Variants in CACNB4 observed in about 807,000 individuals in gnomAD.
CACNB4 encodes the protein voltage-dependent L-type calcium channel subunit beta-4.
A neutral mutation model predicts 71.2 loss-of-function variants in CACNB4; 32 were observed. The ratio of observed to expected loss-of-function variants is 0.45; its 90% CI spans 0.34 to 0.60. The LOEUF is 0.60. CACNB4 is among the 20% of genes least tolerant of loss of function. The pLI, the probability that CACNB4 is intolerant of heterozygous loss-of-function variation, is 0.01. For synonymous variants in CACNB4, 231 were observed against 236.9 expected, an observed-to-expected ratio of 0.97 and a Z score of 0.23; for missense variants, 464 against 647.9, an observed-to-expected ratio of 0.72 and a Z score of 3.08.
chr2:151,855,694 A>G (rs990102627), intron 10 of CACNB4, among the ~76,000 whole-genome samples: 3 of 152,218 alleles, frequency 2.0e-5, no homozygotes, highest in Admixed American at 2.0e-4. Flanking sequence ...AAAGAACTTT[A>G]ATGTTAGCCA....
chr2:151,858,632 G>T (rs1481599857), intron 10 of CACNB4: 1 of 152,166 alleles, frequency 6.6e-6, no homozygotes, highest in African/African-American at 2.4e-5. Context: ...CATTGCATGG[G>T]ATCTATTTTG....
At chr2:152,005,395 T>C (rs1682665399) in intron 2 of CACNB4, among the ~76,000 whole-genome samples, 1 of 152,204 alleles carries the variant, frequency 6.6e-6, no homozygotes, top group African/African-American at 2.4e-5. Context: ...CAGGAGGCTG[T>C]CATCCTAAGA....
intron 11 of CACNB4, chr2:151,854,026 G>A (rs994120765): frequency 2.6e-5 from 4 of 154,410 alleles, no homozygotes; most frequent in African/African-American, 9.7e-5. Flanking sequence ...TGGAGACCCA[G>A]GCAAAACATT....
chr2:151,880,812 T>C lies in CACNB4; in HGVS notation c.378A>G (p.Leu126=). ...TAISFDAKDF[L]HIKEKYNNDW... is the part of the protein sequence containing the mutation. ...GTTCTACATTTACCTCTTTAATATG[T>C]AGAAAGTCTTTAGCATCAAAGGAGA... The change falls in exon 4 of 14, where the codon CTA becomes CTG. Residue 126 remains leucine, a synonymous_variant. Coordinates refer to ENST00000539935, the MANE Select transcript of CACNB4 (RefSeq NM_000726.5). 2 of 1,612,268 alleles carry C rather than the reference T, an allele frequency of 1.2e-6. No homozygotes were observed.
chr2:151,971,449 G>A (rs1442350419), intron 2 of CACNB4: 47 of 701,296 alleles, frequency 6.7e-5, no homozygotes, highest in Non-Finnish European at 1.2e-4. Flanking sequence ...TATATTCTCG[G>A]ACTGCAGCTA....
chr2:151,878,415 T>G (rs1236455859), intron 4 of CACNB4, among the ~76,000 whole-genome samples: 3 of 152,060 alleles, frequency 2.0e-5, no homozygotes, highest in African/African-American at 7.2e-5. Context: ...TGAGATTGCA[T>G]TGAAATAAAT....
chr2:151,950,143 T>C (rs1227466133), intron 2 of CACNB4, among the ~76,000 whole-genome samples: 1 of 151,794 alleles, frequency 6.6e-6, no homozygotes, highest in Non-Finnish European at 1.5e-5. Flanking sequence ...GCCAGAGAGA[T>C]AGAGATGAAA....
Position 151,889,585 on chromosome 2 carries a change from A to G in CACNB4, c.148-6215T>C, listed in dbSNP as rs148062175. Among the ~76,000 whole-genome samples, 207 of 152,082 alleles carry G rather than the reference A, an allele frequency of 1.4e-3. 7 individuals are homozygous for G. In the East Asian group the frequency reaches 0.036, roughly 27 times the overall value. The stretch of plus-strand genomic sequence containing the variant: ...TTTCTCTGTTGTTTGTAATGACTTG[A>G]CAATGCATTTTTCCACATTGCAGAA... On this transcript the variant is annotated intron_variant, in intron 2 of 13. Transcript: ENST00000539935.
At chr2:152,064,423 C>G (rs1487404896) in intron 2 of CACNB4, among the ~76,000 whole-genome samples, 1 of 152,238 alleles carries the variant, frequency 6.6e-6, no homozygotes, top group Non-Finnish European at 1.5e-5. Flanking sequence ...CTCTGTCACA[C>G]AGGCTGGAGT....
chr2:151,870,269 C>T (rs550018690), intron 8 of CACNB4: 1 of 702,912 alleles, frequency 1.4e-6, no homozygotes, highest in Non-Finnish European at 2.6e-6. Flanking sequence ...TACAGCAAAT[C>T]TTTGACCAGA....
At chr2:152,086,444 A>G (rs996363807) in intron 2 of CACNB4, among the ~76,000 whole-genome samples, 3 of 152,246 alleles carry the variant, frequency 2.0e-5, no homozygotes, top group Non-Finnish European at 4.4e-5. Flanking sequence ...CCCCCAGGGA[A>G]GTACTCAAAT....
intron 2 of CACNB4, among the ~76,000 whole-genome samples, chr2:151,906,817 T>C (rs1037536075): frequency 2.0e-5 from 3 of 152,190 alleles, no homozygotes; most frequent in African/African-American, 7.2e-5. Flanking sequence ...GAACACATCA[T>C]GTAGATTGCT....
chr2:151,920,322 T>TC (rs2099858674), intron 2 of CACNB4, among the ~76,000 whole-genome samples: 2 of 140,426 alleles, frequency 1.4e-5, no homozygotes, highest in Non-Finnish European at 3.1e-5. Flanking sequence ...CTTCTTCTTT[T>TC]TTTTTTTTTT....
intron 2 of CACNB4, among the ~76,000 whole-genome samples, chr2:152,035,396 A>G (rs907441534): frequency 6.6e-6 from 1 of 152,164 alleles, no homozygotes; most frequent in Non-Finnish European, 1.5e-5. Flanking sequence ...CCCCATCTCT[A>G]CTAAAAATAC....
chr2:151,931,697 A>C (rs2099861677), intron 2 of CACNB4, among the ~76,000 whole-genome samples: 1 of 152,214 alleles, frequency 6.6e-6, no homozygotes, highest in East Asian at 1.9e-4. Context: ...ATATTCCTGT[A>C]ACTGTTAAGA....
At chr2:152,059,555 A>C (rs1158908843) in intron 2 of CACNB4, among the ~76,000 whole-genome samples, 1 of 152,260 alleles carries the variant, frequency 6.6e-6, no homozygotes, top group African/African-American at 2.4e-5. Flanking sequence ...TTGAAATGGC[A>C]ACATTTATCC....
At chr2:152,077,851 T>C (rs1687127625) in intron 2 of CACNB4, among the ~76,000 whole-genome samples, 1 of 152,152 alleles carries the variant, frequency 6.6e-6, no homozygotes, top group Non-Finnish European at 1.5e-5. Context: ...GAGGCCACAA[T>C]AATGAATCTA....
intron 2 of CACNB4, among the ~76,000 whole-genome samples, chr2:152,038,043 G>A (rs1269883957): frequency 2.0e-5 from 3 of 152,214 alleles, no homozygotes; most frequent in Admixed American, 2.0e-4. Flanking sequence ...CAGGAAAACT[G>A]GGGAGGATCA....
chr2:152,004,995 T>A (rs886995518), intron 2 of CACNB4, among the ~76,000 whole-genome samples: 1 of 152,098 alleles, frequency 6.6e-6, no homozygotes, highest in Non-Finnish European at 1.5e-5. Context: ...CAGTCAGAAT[T>A]GCTATTATTA....
Sources: gnomAD v4.1 joint callset for allele counts (sites outside exome capture counted in the v4.1 genomes callset) on GRCh38, gnomAD v4.1.1 for gene constraint, MANE v1.5 for transcripts, NCBI Gene and HGNC (gene_info 2026-07-23, HGNC 2026-07-21) for gene names.